Variants in HTR7 observed in about 807,000 individuals in gnomAD.
HTR7 encodes 5-hydroxytryptamine receptor 7.
Under a neutral mutation model 34.0 loss-of-function variants are expected in HTR7, and 16 were observed. The observed-to-expected ratio is 0.47, with a 90% CI of 0.32 to 0.71. The LOEUF (loss-of-function observed/expected upper bound fraction) is 0.71. Among genes scored for constraint, HTR7 ranks in the 30% least tolerant of loss-of-function variants. The pLI, the probability that HTR7 is intolerant of heterozygous loss-of-function variation, is 0.04. For missense variants in HTR7, 504 were observed against 625.5 expected, an observed-to-expected ratio of 0.81 and a Z score of 2.07; for synonymous variants, 265 against 260.2, an observed-to-expected ratio of 1.02 and a Z score of -0.18.
intron 1 of HTR7, among the ~76,000 whole-genome samples, chr10:90,824,933 A>G (rs1270689810): frequency 2.0e-5 from 3 of 152,220 alleles, no homozygotes; most frequent in African/African-American, 7.2e-5. Flanking sequence ...CTGAAGGGGA[A>G]GGCTGGCTGG....
At position 90,833,301 on chromosome 10, in the gene HTR7, A is replaced by G. The variant is rs544957609; in HGVS notation, c.539+23832T>C. ...GTTATTTGATTTTTATCTTTTTAAA[A>G]GAGGATACATGATTTACCATGAATA... On this transcript the variant is annotated intron_variant, in intron 1 of 3. Transcript: ENST00000336152. Among the ~76,000 whole-genome samples, 35 of 152,336 alleles carry G rather than the reference A, an allele frequency of 2.3e-4. 1 individual carries two copies. The highest frequency in any genetic ancestry group is 7.5e-4 in the African/African-American group (31 of 41,578).
intron 1 of HTR7, among the ~76,000 whole-genome samples, chr10:90,821,934 C>A (rs536469405): frequency 6.6e-6 from 1 of 152,174 alleles, no homozygotes; most frequent in Non-Finnish European, 1.5e-5. Flanking sequence ...TTTCCTGAGG[C>A]CTCCCCAGCC....
chr10:90,766,525 T>C (rs1845027512), intron 1 of HTR7, among the ~76,000 whole-genome samples: 1 of 152,230 alleles, frequency 6.6e-6, no homozygotes, highest in Non-Finnish European at 1.5e-5. Flanking sequence ...CCATGTACAT[T>C]GAAATTACAT....
intron 1 of HTR7, among the ~76,000 whole-genome samples, chr10:90,822,718 C>T: frequency 6.6e-6 from 1 of 152,226 alleles, no homozygotes; most frequent in Admixed American, 6.5e-5. Flanking sequence ...AGCAGCCCCT[C>T]CCATCACAGG....
intron 1 of HTR7, among the ~76,000 whole-genome samples, chr10:90,796,123 C>G (rs1047827397): frequency 1.3e-5 from 2 of 152,196 alleles, no homozygotes; most frequent in African/African-American, 4.8e-5. Flanking sequence ...CATGTCCAAC[C>G]TCCCCCTTCC....
chr10:90,820,837 A>G (rs1935350), intron 1 of HTR7, among the ~76,000 whole-genome samples: 32,408 of 152,098 alleles, frequency 0.21, 4,459 homozygotes, highest in African/African-American at 0.38. Flanking sequence ...AACCATCCTA[A>G]GTTGGGGACT....
intron 1 of HTR7, among the ~76,000 whole-genome samples, chr10:90,759,824 A>G (rs1292397261): frequency 6.6e-6 from 1 of 152,238 alleles, no homozygotes; most frequent in Non-Finnish European, 1.5e-5. Context: ...GGGGGAAGCA[A>G]GGTAGGATAC....
At chr10:90,838,030 A>G (rs67521227) in intron 1 of HTR7, among the ~76,000 whole-genome samples, 21,666 of 151,996 alleles carry the variant, frequency 0.14, 1,891 homozygotes, top group East Asian at 0.2. Flanking sequence ...CAAACATTTT[A>G]TCCCTCAAAG....
rs768457206 is a variant in HTR7, at chr10:90,749,564, G to A, written c.570C>T (p.Tyr190=). The change falls in exon 2 of 4, where the codon TAC becomes TAT. Residue 190 remains tyrosine (Y), a synonymous_variant. Coordinates refer to ENST00000336152, the MANE Select transcript of HTR7 (RefSeq NM_019859.4). The surrounding 1 kb of genome is among the most constrained non-coding windows in gnomAD (Gnocchi z 4.2). ...RYLGITRPLT[Y]PVRQNGKCMA... The stretch of plus-strand genomic sequence containing the variant: ...TGCATTTCCCATTCTGCCTCACAGG[G>A]TATGTGAGGGGCCTTGTGATCCCAA... 3 of 1,612,990 alleles carry A rather than the reference G, an allele frequency of 1.9e-6. No individual in the cohort carries two copies. The South Asian group carries it at 3.3e-5, about 18-fold the overall frequency.
rs527991445 is a variant in HTR7 at position 90,794,093 on chromosome 10, C to G, written c.540-44499G>C. Among the ~76,000 whole-genome samples, 23 of 152,316 alleles carry G rather than the reference C, an allele frequency of 1.5e-4. 1 individual carries two copies. Among genetic ancestry groups the G allele is most frequent in the African/African-American group, 5.3e-4 (22 of 41,566 alleles). Reference sequence around the variant, plus strand: ...CACCCAGGAAAAAATACTTTGCATCCTTCAATCCAATCAAATTGACACTCA... The same window carrying G: ...CACCCAGGAAAAAATACTTTGCATCGTTCAATCCAATCAAATTGACACTCA... On this transcript the variant is annotated intron_variant, in intron 1 of 3. Transcript: ENST00000336152.
intron 1 of HTR7, among the ~76,000 whole-genome samples, chr10:90,804,490 G>A (rs77654252): frequency 3.3e-5 from 5 of 152,182 alleles, no homozygotes; most frequent in East Asian, 1.9e-4. Context: ...TCCTGCCAGC[G>A]CCTAAAGGCA....
At chr10:90,767,151 A>G (rs1158233753) in intron 1 of HTR7, among the ~76,000 whole-genome samples, 3 of 152,120 alleles carry the variant, frequency 2.0e-5, no homozygotes, top group African/African-American at 7.2e-5. Context: ...TTGTTCCTCA[A>G]TTGAATAGGG....
chr10:90,842,815 G>C (rs769216784), intron 1 of HTR7, among the ~76,000 whole-genome samples: 10 of 151,980 alleles, frequency 6.6e-5, no homozygotes, highest in Non-Finnish European at 1.5e-4. Flanking sequence ...GCTAACTCCT[G>C]GATCTAAGCT....
At chr10:90,812,747 C>T (rs1469124863) in intron 1 of HTR7, among the ~76,000 whole-genome samples, 2 of 152,070 alleles carry the variant, frequency 1.3e-5, no homozygotes, top group South Asian at 2.1e-4. Context: ...CAAAAATTTT[C>T]GCCACCCCAA....
At chr10:90,825,489 G>A (rs1196665347) in intron 1 of HTR7, among the ~76,000 whole-genome samples, 2 of 152,158 alleles carry the variant, frequency 1.3e-5, no homozygotes, top group African/African-American at 4.8e-5. Context: ...AGGAAAATAT[G>A]ATCTCAAAAA....
intron 1 of HTR7, among the ~76,000 whole-genome samples, chr10:90,761,633 CGTGTGTGTGT>C (rs3981197): frequency 6.8e-6 from 1 of 147,374 alleles, no homozygotes; most frequent in Non-Finnish European, 1.5e-5. Flanking sequence ...TGTGTGTATG[CGTGTGTGTGT>C]GTGTGTGTGT....
chr10:90,821,428 G>A (rs543874640), intron 1 of HTR7, among the ~76,000 whole-genome samples: 1 of 152,300 alleles, frequency 6.6e-6, no homozygotes, highest in South Asian at 2.1e-4. Flanking sequence ...AATAAATGGA[G>A]GGAGCATTTA....
chr10:90,761,379 C>A (rs1278686793), intron 1 of HTR7, among the ~76,000 whole-genome samples: 1 of 151,780 alleles, frequency 6.6e-6, no homozygotes, highest in East Asian at 1.9e-4. Flanking sequence ...TTTTAATATA[C>A]ATATATATTG....
At chr10:90,804,300 C>T (rs1263977889) in intron 1 of HTR7, among the ~76,000 whole-genome samples, 1 of 152,178 alleles carries the variant, frequency 6.6e-6, no homozygotes, top group African/African-American at 2.4e-5. Flanking sequence ...TCTTCCTGGA[C>T]ACCAGACAAG....
Sources: gnomAD v4.1 joint callset for allele counts (sites outside exome capture counted in the v4.1 genomes callset) on GRCh38, gnomAD v4.1.1 for gene constraint, Gnocchi (gnomAD v3.1) non-coding constraint, MANE v1.5 for transcripts, NCBI Gene and HGNC (gene_info 2026-07-23, HGNC 2026-07-21) for gene names.